FGD4: variants seen among roughly 807,000 people sequenced by gnomAD.
FGD4 encodes FYVE, RhoGEF and PH domain containing 4.
Under a neutral mutation model 102.0 loss-of-function variants are expected in FGD4, and 42 were observed. That is an observed-to-expected ratio of 0.41 (90% CI 0.32 to 0.53). The LOEUF (loss-of-function observed/expected upper bound fraction) is 0.53, where lower values mean the gene tolerates loss of function less well. Ranked by LOEUF, FGD4 falls within the 20% of genes least tolerant of loss-of-function variation. The pLI is 0.21. For synonymous variants in FGD4, 380 were observed against 375.7 expected, an observed-to-expected ratio of 1.01 and a Z score of -0.13; for missense variants, 902 against 1,078.2, an observed-to-expected ratio of 0.84 and a Z score of 2.29.
At chr12:32,608,443 G>C (rs952593360) in intron 8 of FGD4, among the ~76,000 whole-genome samples, 3 of 152,212 alleles carry the variant, frequency 2.0e-5, no homozygotes, top group Admixed American at 6.5e-5. Flanking sequence ...TGTTTAATTA[G>C]ATAGGTTGGT....
rs185481573 is a variant in FGD4, at chr12:32,596,860, G to A, written c.1012-1637G>A. 9.0e-4 allele frequency among the ~76,000 whole-genome samples: 137 copies of A among 151,664 alleles called. 1 individual carries two copies. Among genetic ancestry groups the A allele is most frequent in the African/African-American group, 2.6e-3 (109 of 41,384 alleles). ...TGAGGCAGGAGAATCACTTGAACCC[G>A]GGAGGCAGAGGTTGCGGTGAGCCGA... On this transcript the variant is annotated intron_variant, in intron 4 of 16. Coordinates refer to ENST00000534526, the MANE Select transcript of FGD4 (RefSeq NM_001370298.3).
intron 1 of FGD4, among the ~76,000 whole-genome samples, chr12:32,473,481 C>G (rs921635590): frequency 2.0e-5 from 3 of 151,972 alleles, no homozygotes; most frequent in Non-Finnish European, 4.4e-5. Context: ...TGCAGCTTCA[C>G]TCCTGAGCCA....
chr12:32,581,896 T>C, intron 3 of FGD4, 64 bp from the exon 4 acceptor site: 4 of 1,573,166 alleles, frequency 2.5e-6, no homozygotes, highest in Non-Finnish European at 3.5e-6. Flanking sequence ...GGAATAAACT[T>C]GTCTTAATTC....
intron 8 of FGD4, among the ~76,000 whole-genome samples, chr12:32,609,895 A>G (rs1949034692): frequency 6.6e-6 from 1 of 152,212 alleles, no homozygotes; most frequent in African/African-American, 2.4e-5. Context: ...GGGTTAGTCC[A>G]GCAAGAGGTC....
At chr12:32,562,791 GAA>G (rs1197591537) in intron 1 of FGD4, among the ~76,000 whole-genome samples, 4 of 150,206 alleles carry the variant, frequency 2.7e-5, no homozygotes, top group South Asian at 2.1e-4. Flanking sequence ...AGAACAAAAT[GAA>G]AAGTCTCCCA....
At chr12:32,605,189 T>C (rs2136691553) in intron 7 of FGD4, among the ~76,000 whole-genome samples, 1 of 152,270 alleles carries the variant, frequency 6.6e-6, no homozygotes, top group South Asian at 2.1e-4. Context: ...TTCCCCCGTC[T>C]CGGCTTTCCA....
intron 1 of FGD4, among the ~76,000 whole-genome samples, chr12:32,548,833 G>T (rs563991026): frequency 6.6e-6 from 1 of 152,186 alleles, no homozygotes; most frequent in Non-Finnish European, 1.5e-5. Flanking sequence ...GGGAACATAC[G>T]GGATCAGGTC....
chr12:32,627,696 C>T (rs1950262545), intron 14 of FGD4, among the ~76,000 whole-genome samples: 1 of 152,008 alleles, frequency 6.6e-6, no homozygotes, highest in Non-Finnish European at 1.5e-5. Context: ...TTTTCTCTAA[C>T]AAGATATAGC....
intron 8 of FGD4, 29 bp downstream of exon 8, chr12:32,608,124 A>G (rs760034433): frequency 3.7e-6 from 6 of 1,613,604 alleles, no homozygotes; most frequent in African/African-American, 2.7e-5. Flanking sequence ...TTTTCTCCCT[A>G]TTTTGGAATA....
At chr12:32,413,209 C>T (rs543629527) in intron 1 of FGD4, among the ~76,000 whole-genome samples, 1 of 151,860 alleles carries the variant, frequency 6.6e-6, no homozygotes, top group South Asian at 2.1e-4. Flanking sequence ...AGCAAACCAC[C>T]ATAGCACATG....
At chr12:32,433,775 A>G (rs548039284) in intron 1 of FGD4, among the ~76,000 whole-genome samples, 1 of 152,336 alleles carries the variant, frequency 6.6e-6, no homozygotes, top group Non-Finnish European at 1.5e-5. Flanking sequence ...AAAATTTTGT[A>G]TCATGGGATG....
Position 32,574,330 on chromosome 12 carries a change from TG to T in FGD4, c.320-1935del, listed in dbSNP as rs1236408124. On this transcript the variant is annotated intron_variant, in intron 2 of 16. Transcript: ENST00000534526. Reference sequence around the variant, plus strand: ...ATGTTGAATTATTCATAACCTTAAGTGTTTTTTTTTTTTTTTTGGGTGGGAG... The same window carrying T: ...ATGTTGAATTATTCATAACCTTAAGTTTTTTTTTTTTTTTTTGGGTGGGAG... 2.4e-4 allele frequency among the ~76,000 whole-genome samples: 32 copies of T among 133,472 alleles called. 1 individual carries two copies. In the South Asian group the frequency reaches 6.4e-3, roughly 27 times the overall value. The allele number at this position is 133,472 out of a possible 152,430, so 87.6% of individuals were successfully genotyped here. A position where few individuals can be genotyped will look rare whatever the true frequency, so the allele number is the denominator to read the frequency against.
At chr12:32,553,262 C>G (rs1943849267) in intron 1 of FGD4, among the ~76,000 whole-genome samples, 1 of 152,128 alleles carries the variant, frequency 6.6e-6, no homozygotes, top group Non-Finnish European at 1.5e-5. Flanking sequence ...TTATCAGCTC[C>G]TATTCAAAAT....
At chr12:32,633,507 C>T in intron 14 of FGD4, 42 bp from the exon 15 acceptor site, 1 of 1,568,616 alleles carries the variant, frequency 6.4e-7, no homozygotes, top group Non-Finnish European at 8.7e-7. Flanking sequence ...TAAATCATAT[C>T]CTTTAAATAT....
At chr12:32,615,951 C>T (rs185468210) in intron 10 of FGD4, among the ~76,000 whole-genome samples, 144 of 152,148 alleles carry the variant, frequency 9.5e-4, no homozygotes, top group Admixed American at 1.3e-3. Flanking sequence ...ACATGAAAGG[C>T]GTGTTACTCT....
intron 1 of FGD4, among the ~76,000 whole-genome samples, chr12:32,483,744 A>T (rs1267474049): frequency 6.6e-6 from 1 of 152,208 alleles, no homozygotes; most frequent in Non-Finnish European, 1.5e-5. Context: ...TGTAAGTGCC[A>T]GCACTTCCTG....
intron 2 of FGD4, among the ~76,000 whole-genome samples, chr12:32,564,920 GT>G (rs1945062394): frequency 1.3e-5 from 2 of 152,188 alleles, no homozygotes; most frequent in Admixed American, 6.5e-5. Context: ...CAGAATTATA[GT>G]TTTGATGATA....
chr12:32,431,250 A>G (rs1942032483), intron 1 of FGD4, among the ~76,000 whole-genome samples: 1 of 152,214 alleles, frequency 6.6e-6, no homozygotes, highest in Non-Finnish European at 1.5e-5. Context: ...TCTTGATTAT[A>G]GCCCCTTTCT....
At chr12:32,548,274 G>C (rs919580697) in intron 1 of FGD4, among the ~76,000 whole-genome samples, 7 of 152,140 alleles carry the variant, frequency 4.6e-5, no homozygotes, top group African/African-American at 1.7e-4. Context: ...GTGAAGTCAA[G>C]TTTCTTATCA....
Sources: allele counts gnomAD v4.1 joint callset (sites outside exome capture counted in the v4.1 genomes callset), GRCh38; gene constraint gnomAD v4.1.1; transcripts MANE v1.5; gene names NCBI Gene and HGNC (gene_info 2026-07-23, HGNC 2026-07-21).